Variants in AGPAT2 observed in about 807,000 individuals in gnomAD.
AGPAT2 encodes the protein 1-acyl-sn-glycerol-3-phosphate acyltransferase beta.
A neutral mutation model predicts 26.1 loss-of-function variants in AGPAT2; 18 were observed. The ratio of observed to expected loss-of-function variants is 0.69; its 90% confidence interval spans 0.48 to 1.02. AGPAT2 has a LOEUF of 1.02. Among genes scored for constraint, AGPAT2 ranks in the 50% least tolerant of loss-of-function variants. AGPAT2 has a pLI of 0.00. For synonymous variants in AGPAT2, 200 were observed against 174.2 expected, an observed-to-expected ratio of 1.15 and a Z score of -1.16; for missense variants, 415 against 394.9, an observed-to-expected ratio of 1.05 and a Z score of -0.43.
chr9:136,673,852 T>C lies in AGPAT2; in HGVS notation c.737A>G (p.Asp246Gly). The C allele has an allele frequency of 2.5e-6, 4 of 1,605,742 alleles. No individual in the cohort carries two copies. The highest frequency in any genetic ancestry group is 2.5e-6 in the Non-Finnish European group (3 of 1,177,802). The change falls in exon 6 of 6, where the codon GAC becomes GGC. Residue 246 changes from aspartate (D) to glycine (G), a missense_variant. Physicochemically the swap from Asp to Gly is moderately conservative, Grantham distance 94. Transcript: ENST00000371696. ...GGTCCTCATGGCCCGGTGGCAGGTG[T>C]CCACGAGCGCAGGGACGTCCGCCGC... Reference protein sequence around the residue: ...LTAADVPALVDTCHRAMRTTF... With the variant: ...LTAADVPALVGTCHRAMRTTF...
rs537180960 is a variant in AGPAT2, at chr9:136,677,684, G to A, written c.183-128C>T. On this transcript the variant is annotated intron_variant, in intron 1 of 5. Transcript: ENST00000371696. Reference sequence around the variant, plus strand: ...CTCCTGGCACGGGGCAGGAGACCGGGAGACACAGGGGAGGGAGCCCCTGAA... The same window carrying A: ...CTCCTGGCACGGGGCAGGAGACCGGAAGACACAGGGGAGGGAGCCCCTGAA... 36 of 1,150,216 alleles carry A rather than the reference G, an allele frequency of 3.1e-5. No individual in the cohort carries two copies. The East Asian group carries it at 7.6e-4, about 24-fold the overall frequency. 71.3% of individuals were successfully genotyped at this position (1,150,216 alleles called of 1,614,324 possible).
intron 1 of AGPAT2, 73 bp from the exon 2 acceptor site, chr9:136,677,629 G>A (rs1846111067): frequency 3.8e-6 from 6 of 1,592,198 alleles, no homozygotes; most frequent in Non-Finnish European, 4.3e-6. Context: ...AGGCCTGGGG[G>A]TGGGGTGTGG....
At chr9:136,680,939 A>G (rs1470109295) in intron 1 of AGPAT2, among the ~76,000 whole-genome samples, 1 of 152,272 alleles carries the variant, frequency 6.6e-6, no homozygotes, top group Admixed American at 6.5e-5. Context: ...TGCTGGGATG[A>G]CAGGAAGGAG....
In AGPAT2 at chr9:136,684,677, A is replaced by T. The variant is rs145886326; in HGVS notation, c.182+2499T>A. On this transcript the variant is annotated intron_variant, in intron 1 of 5. Coordinates refer to ENST00000371696, the MANE Select transcript of AGPAT2 (RefSeq NM_006412.4). The stretch of plus-strand genomic sequence containing the variant: ...AGCCCCAAGCGCTGGGCTGGGAACA[A>T]GGGGAAAGGGAAAAGCAGGTACTCT... Among the ~76,000 whole-genome samples the T allele has an allele frequency of 5.7e-3, 873 of 152,308 alleles. 6 individuals are homozygous for T. Among genetic ancestry groups the T allele is most frequent in the South Asian group, 9.5e-3 (46 of 4,826 alleles).
chr9:136,683,267 A>G (rs1846184738), intron 1 of AGPAT2, among the ~76,000 whole-genome samples: 1 of 152,114 alleles, frequency 6.6e-6, no homozygotes, highest in South Asian at 2.1e-4. Context: ...AGGCCCCTCA[A>G]TGTGCCTAAG....
Position 136,687,375 on chromosome 9 carries a change from G to T in AGPAT2, c.-18C>A, listed in dbSNP as rs369999417. 3.9e-5 allele frequency: 57 copies of T among 1,444,048 alleles called. No homozygotes were observed. Among genetic ancestry groups the T allele is most frequent in the Admixed American group, 2.3e-4 (8 of 34,154 alleles). The allele number at this position is 1,444,048 out of a possible 1,614,324, so 89.5% of individuals were successfully genotyped here. On this transcript the variant is annotated 5_prime_UTR_variant, in exon 1 of 6. Coordinates refer to ENST00000371696, the MANE Select transcript of AGPAT2 (RefSeq NM_006412.4). ...AGCTCCATGGCCCGGCCCGGCGCCC[G>T]ACGGCGCCGCCAGCTCGCTCCCGCT...
rs376582855 is a variant in AGPAT2 at position 136,687,390 on chromosome 9, T to TCGCTCC, written c.-39_-34dup. On this transcript the variant is annotated 5_prime_UTR_variant, in exon 1 of 6. Coordinates refer to ENST00000371696, the MANE Select transcript of AGPAT2 (RefSeq NM_006412.4). ...CCCGGCGCCCGACGGCGCCGCCAGCTCGCTCCCGCTCCCGCTCCCGCTTCT... is the reference window on the plus strand; with the variant it reads ...CCCGGCGCCCGACGGCGCCGCCAGCTCGCTCCCGCTCCCGCTCCCGCTCCCGCTTCT... The TCGCTCC allele has an allele frequency of 9.9e-5, 140 of 1,417,662 alleles. No homozygotes were observed. The highest frequency in any genetic ancestry group is 2.6e-4 in the Admixed American group (8 of 31,294). 87.8% of individuals were successfully genotyped at this position (1,417,662 alleles called of 1,614,324 possible).
chr9:136,679,602 G>A (rs1340456648), intron 1 of AGPAT2, among the ~76,000 whole-genome samples: 12 of 152,134 alleles, frequency 7.9e-5, no homozygotes, highest in South Asian at 2.1e-4. Flanking sequence ...CCCCTGTGAC[G>A]CTCCAAGAAG....
At position 136,687,443 on chromosome 9, in the gene AGPAT2, G is replaced by C; in HGVS notation, c.-86C>G. 8.4e-7 allele frequency: 1 copy of C among 1,185,970 alleles called. No homozygotes were observed. Among genetic ancestry groups the C allele is most frequent in the Non-Finnish European group, 1.1e-6 (1 of 920,614 alleles). The allele number at this position is 1,185,970 out of a possible 1,614,324, so 73.5% of individuals were successfully genotyped here. A position where few individuals can be genotyped will look rare whatever the true frequency, so the allele number is the denominator to read the frequency against. ...CCCGCGCGCTCAGGCCCCTTATTGC[G>C]AGGGCGGCGGGGCTGGGCGGGGCGG... On this transcript the variant is annotated 5_prime_UTR_variant, in exon 1 of 6. Coordinates refer to ENST00000371696, the MANE Select transcript of AGPAT2 (RefSeq NM_006412.4).
At chr9:136,677,619 AGGCCTGGGGGTGGGGT>A in intron 1 of AGPAT2, 63 bp from the exon 2 acceptor site, 1 of 1,583,470 alleles carries the variant, frequency 6.3e-7, no homozygotes, top group South Asian at 1.1e-5. Context: ...TGGGGCGCGA[AGGCCTGGGGGTGGGGT>A]GTGGAGGAGG....
intron 1 of AGPAT2, among the ~76,000 whole-genome samples, chr9:136,678,768 G>A (rs1846124519): frequency 6.8e-6 from 1 of 147,358 alleles, no homozygotes; most frequent in Non-Finnish European, 1.5e-5. Flanking sequence ...TGTCACCCAG[G>A]CTCCCCTTGC....
intron 1 of AGPAT2, among the ~76,000 whole-genome samples, chr9:136,680,299 T>C (rs1000659746): frequency 1.3e-5 from 2 of 152,210 alleles, no homozygotes; most frequent in Admixed American, 6.5e-5. Flanking sequence ...TGATCTCAGC[T>C]CACTGCAACC....
intron 4 of AGPAT2, among the ~76,000 whole-genome samples, chr9:136,675,792 A>G (rs1846083098): frequency 6.6e-6 from 1 of 152,156 alleles, no homozygotes; most frequent in South Asian, 2.1e-4. Flanking sequence ...TCAGAGCCCA[A>G]GGATGCTCAC....
chr9:136,683,596 G>A (rs774570067), intron 1 of AGPAT2, among the ~76,000 whole-genome samples: 28 of 152,212 alleles, frequency 1.8e-4, no homozygotes, highest in Non-Finnish European at 3.4e-4. Flanking sequence ...TGGGTCCATA[G>A]GGGTGCGGGG....
intron 1 of AGPAT2, among the ~76,000 whole-genome samples, chr9:136,681,529 G>A (rs1197094260): frequency 2.6e-5 from 4 of 152,184 alleles, no homozygotes; most frequent in Non-Finnish European, 4.4e-5. Context: ...CTGGATGGGC[G>A]GGTGGCTCAC....
intron 5 of AGPAT2, among the ~76,000 whole-genome samples, 172 bp from the exon 6 acceptor site, chr9:136,674,099 G>A (rs1052722158): frequency 1.3e-5 from 2 of 152,222 alleles, no homozygotes; most frequent in African/African-American, 2.4e-5. Context: ...TTGCAGTAAC[G>A]TTGCTGCAGT....
chr9:136,674,012 C>G lies in AGPAT2; in HGVS notation c.662-85G>C, dbSNP rs545016569. 80 of 1,282,212 alleles carry G rather than the reference C, an allele frequency of 6.2e-5. No individual in the cohort carries two copies. In the East Asian group the frequency reaches 2.3e-3, roughly 37 times the overall value. The allele number at this position is 1,282,212 out of a possible 1,614,324, so 79.4% of individuals were successfully genotyped here. ...CTGCCCTGGCCTCGCCTCTCCCCAGCCCCCCACAGCCCCTCCCTGGGAAGC... is the reference window on the plus strand; with the variant it reads ...CTGCCCTGGCCTCGCCTCTCCCCAGGCCCCCACAGCCCCTCCCTGGGAAGC... On this transcript the variant is annotated intron_variant, in intron 5 of 5. Coordinates refer to ENST00000371696, the MANE Select transcript of AGPAT2 (RefSeq NM_006412.4).
chr9:136,682,301 C>T (rs141626762), intron 1 of AGPAT2, among the ~76,000 whole-genome samples: 367 of 152,316 alleles, frequency 2.4e-3, no homozygotes, highest in African/African-American at 8.5e-3. Flanking sequence ...TCAGAGCAGC[C>T]ACTGTCCCCA....
rs778672092 is a variant in AGPAT2 at position 136,676,841 on chromosome 9, C to T, written c.492+120G>A. 7.5e-6 allele frequency: 10 copies of T among 1,333,124 alleles called. No individual in the cohort carries two copies. In the African/African-American group the frequency reaches 8.7e-5, roughly 12 times the overall value. 82.6% of individuals were successfully genotyped at this position (1,333,124 alleles called of 1,614,324 possible). On this transcript the variant is annotated intron_variant, in intron 3 of 5. Transcript: ENST00000371696. ...GGGGTCTGGCGTGGGACCCCACCTGCGGAGCATGGATGATGTGGGGGTCTT... is the reference window on the plus strand; with the variant it reads ...GGGGTCTGGCGTGGGACCCCACCTGTGGAGCATGGATGATGTGGGGGTCTT...
Sources: allele counts gnomAD v4.1 joint callset (sites outside exome capture counted in the v4.1 genomes callset), GRCh38; gene constraint gnomAD v4.1.1; transcripts MANE v1.5; gene names NCBI Gene and HGNC (gene_info 2026-07-23, HGNC 2026-07-21).